The following CCNY variants were observed in gnomAD, a reference collection of about 807,000 sequenced individuals.
CCNY encodes the protein cyclin-Y.
CCNY carries 19 observed loss-of-function variants against 42.8 expected under a neutral mutation model. That is an observed-to-expected ratio of 0.44 (90% CI 0.31 to 0.65). CCNY has a LOEUF of 0.65. CCNY is among the 30% of genes least tolerant of loss of function. CCNY has a pLI of 0.07. For synonymous variants in CCNY, 165 were observed against 162.7 expected (o/e 1.01, Z -0.11); for missense variants, 370 against 437.3 (o/e 0.85, Z 1.37).
chr10:35,506,706 G>A (rs1364095694), intron 3 of CCNY, among the ~76,000 whole-genome samples: 1 of 152,160 alleles, frequency 6.6e-6, no homozygotes, highest in Non-Finnish European at 1.5e-5. Context: ...CATTTTGAAA[G>A]CTACATTGTC....
intron 7 of CCNY, among the ~76,000 whole-genome samples, chr10:35,547,009 A>G (rs549997725): frequency 6.6e-6 from 1 of 152,182 alleles, no homozygotes; most frequent in East Asian, 1.9e-4. Context: ...CTGGAGGTTT[A>G]CTTAGGCCCA....
At chr10:35,355,503 C>T (rs1836525160) in intron 1 of CCNY, among the ~76,000 whole-genome samples, 1 of 151,544 alleles carries the variant, frequency 6.6e-6, no homozygotes, top group Admixed American at 6.6e-5. Context: ...CATTGTGAAA[C>T]CCCATCTCTA....
chr10:35,571,899 A>G lies in CCNY; in HGVS notation c.*2729A>G, dbSNP rs1841692904. 6.6e-6 allele frequency: 1 copy of G among 152,306 alleles called. No homozygotes were observed. Among genetic ancestry groups the G allele is most frequent in the African/African-American group, 2.4e-5 (1 of 41,422 alleles). The allele number at this position is 152,306 out of a possible 1,614,324, so 9.4% of individuals were successfully genotyped here. A position where few individuals can be genotyped will look rare whatever the true frequency, so the allele number is the denominator to read the frequency against. On this transcript the variant is annotated 3_prime_UTR_variant, in exon 10 of 10. Coordinates refer to ENST00000374704, the MANE Select transcript of CCNY (RefSeq NM_145012.6). ...ATTTTATATTTGATTTAAACAACAA[A>G]TAAAGTCATTGGGACAATAAATATA...
intron 3 of CCNY, among the ~76,000 whole-genome samples, chr10:35,271,213 G>A (rs1457511960): frequency 6.6e-6 from 1 of 152,146 alleles, no homozygotes; most frequent in East Asian, 1.9e-4. Context: ...AGACAAACAG[G>A]CAGTTATGGA....
At chr10:35,537,046 C>G (rs887121918) in intron 7 of CCNY, among the ~76,000 whole-genome samples, 4 of 152,142 alleles carry the variant, frequency 2.6e-5, no homozygotes, top group East Asian at 1.9e-4. Context: ...AGCCTGGGCC[C>G]ACGGTTCCTG....
intron 2 of CCNY, among the ~76,000 whole-genome samples, chr10:35,497,098 T>C (rs1230239496): frequency 6.6e-6 from 1 of 152,164 alleles, no homozygotes; most frequent in Non-Finnish European, 1.5e-5. Context: ...CTGTTATTCC[T>C]CTCCCAGGAA....
At chr10:35,391,231 C>T (rs1436502828) in intron 1 of CCNY, among the ~76,000 whole-genome samples, 2 of 152,190 alleles carry the variant, frequency 1.3e-5, no homozygotes, top group African/African-American at 2.4e-5. Flanking sequence ...GCCCCTACTG[C>T]TATGTTGTTC....
At chr10:35,316,779 C>G (rs953411613) in intron 3 of CCNY, among the ~76,000 whole-genome samples, 2 of 152,186 alleles carry the variant, frequency 1.3e-5, no homozygotes, top group African/African-American at 4.8e-5. Flanking sequence ...ATATTAAAAT[C>G]ACAACTGAAT....
chr10:35,282,531 GC>G (rs1392597792), intron 3 of CCNY, among the ~76,000 whole-genome samples: 1 of 151,832 alleles, frequency 6.6e-6, no homozygotes, highest in Non-Finnish European at 1.5e-5. Flanking sequence ...TTCGAGACCA[GC>G]CTGGCCAACA....
At chr10:35,350,802 G>A (rs902462750) in intron 1 of CCNY, among the ~76,000 whole-genome samples, 1 of 152,180 alleles carries the variant, frequency 6.6e-6, no homozygotes, top group Non-Finnish European at 1.5e-5. Context: ...AAATGGCAGC[G>A]TGGGTTTCTT....
intron 1 of CCNY, among the ~76,000 whole-genome samples, chr10:35,421,987 CCA>C (rs553204036): frequency 4.4e-4 from 67 of 152,236 alleles, no homozygotes; most frequent in African/African-American, 1.5e-3. Context: ...AGTCACTGCC[CCA>C]CAGTCATCAG....
At chr10:35,350,117 G>A (rs947492733) in intron 1 of CCNY, among the ~76,000 whole-genome samples, 6 of 152,176 alleles carry the variant, frequency 3.9e-5, no homozygotes, top group Non-Finnish European at 7.3e-5. Context: ...TTCTAAGATG[G>A]TGTTCCTAAT....
chr10:35,488,811 C>G (rs1839838778), intron 2 of CCNY, among the ~76,000 whole-genome samples: 1 of 152,152 alleles, frequency 6.6e-6, no homozygotes, highest in African/African-American at 2.4e-5. Flanking sequence ...TTGATACCCA[C>G]CTTCAGTCCT....
chr10:35,290,513 C>A (rs1049600531), intron 3 of CCNY, among the ~76,000 whole-genome samples: 1 of 151,654 alleles, frequency 6.6e-6, no homozygotes, highest in African/African-American at 2.4e-5. Flanking sequence ...TGCTAAATTT[C>A]GTTGATTTAT....
intron 3 of CCNY, among the ~76,000 whole-genome samples, chr10:35,319,603 C>T (rs1043319815): frequency 2.2e-4 from 33 of 152,150 alleles, no homozygotes; most frequent in Admixed American, 1.0e-3. Flanking sequence ...AGGCCAGGCA[C>T]GGTGGCTCAC....
rs35268084 is a variant in CCNY at position 35,516,661 on chromosome 10, C to CTTTTTTTT, written c.365+58_365+65dup. On this transcript the variant is annotated intron_variant, in intron 4 of 9. Coordinates refer to ENST00000374704, the MANE Select transcript of CCNY (RefSeq NM_145012.6). ...ATTTATTTCCTTCCTTCCTTCCTTC[C>CTTTTTTTT]TTTTTTTTTTTTTTTTTTTTTTTTT... 102 of 327,604 alleles carry CTTTTTTTT rather than the reference C, an allele frequency of 3.1e-4. 3 individuals carry two copies. In the African/African-American group the frequency reaches 3.8e-3, roughly 12 times the overall value. The allele number at this position is 327,604 out of a possible 1,614,324, so 20.3% of individuals were successfully genotyped here. A position where few individuals can be genotyped will look rare whatever the true frequency, so the allele number is the denominator to read the frequency against.
At chr10:35,551,418 G>A (rs536069145) in intron 7 of CCNY, among the ~76,000 whole-genome samples, 262 of 151,982 alleles carry the variant, frequency 1.7e-3, no homozygotes, top group African/African-American at 6.1e-3. Flanking sequence ...ACCTTTTTGC[G>A]TTTTGTAATA....
chr10:35,320,639 C>T (rs1164609533), intron 3 of CCNY, among the ~76,000 whole-genome samples: 1 of 152,018 alleles, frequency 6.6e-6, no homozygotes, highest in Non-Finnish European at 1.5e-5. Flanking sequence ...AAGAAAAAGG[C>T]AAAGAAAACC....
intron 7 of CCNY, among the ~76,000 whole-genome samples, chr10:35,548,601 A>G (rs1589197860): frequency 6.6e-6 from 1 of 152,074 alleles, no homozygotes; most frequent in Non-Finnish European, 1.5e-5. Flanking sequence ...CAGCCAAGAA[A>G]ATATATTTCC....
Sources: allele counts gnomAD v4.1 joint callset (sites outside exome capture counted in the v4.1 genomes callset), GRCh38; gene constraint gnomAD v4.1.1; transcripts MANE v1.5; gene names NCBI Gene and HGNC (gene_info 2026-07-23, HGNC 2026-07-21).